Variants in SUGCT observed in about 807,000 individuals in gnomAD.
SUGCT encodes the protein succinyl-CoA:glutarate-CoA transferase, also known as succinyl-CoA:glutarate CoA-transferase.
SUGCT carries 41 observed loss-of-function variants against 55.0 expected under a neutral mutation model. That is an observed-to-expected ratio of 0.74 (90% CI 0.58 to 0.97). SUGCT has a LOEUF of 0.97. Among genes scored for constraint, SUGCT ranks in the 50% least tolerant of loss-of-function variants. The probability of loss-of-function intolerance (pLI) is 0.00; values close to 1 mark genes in which losing one functional copy is unlikely to be tolerated. For synonymous variants in SUGCT, 187 were observed against 200.4 expected (o/e 0.93, Z 0.56); for missense variants, 568 against 547.8 (o/e 1.04, Z -0.37).
At chr7:40,711,628 C>T (rs1169579262) in intron 12 of SUGCT, among the ~76,000 whole-genome samples, 1 of 152,202 alleles carries the variant, frequency 6.6e-6, no homozygotes, top group Non-Finnish European at 1.5e-5. Flanking sequence ...ATCCAGTCCT[C>T]CCCATAGACC....
intron 12 of SUGCT, among the ~76,000 whole-genome samples, chr7:40,525,428 T>C (rs1793745906): frequency 1.3e-5 from 2 of 152,144 alleles, no homozygotes; most frequent in Admixed American, 6.5e-5. Flanking sequence ...ATGGGTTTTG[T>C]GCAAGAAAAC....
At chr7:40,394,554 G>GTA (rs1459195393) in intron 9 of SUGCT, among the ~76,000 whole-genome samples, 1 of 152,208 alleles carries the variant, frequency 6.6e-6, no homozygotes, top group African/African-American at 2.4e-5. Flanking sequence ...GCCAAGTCAA[G>GTA]TTAATTAACC....
At chr7:40,922,152 T>C in the SUGCT span, among the ~76,000 whole-genome samples, 6 of 152,126 alleles carry the variant, frequency 3.9e-5, 1 homozygote, top group South Asian at 1.2e-3. Context: ...TTTAGAGGGG[T>C]GAGGAGTTCC....
At chr7:40,367,025 A>T (rs1415246916) in intron 9 of SUGCT, among the ~76,000 whole-genome samples, 9 of 152,186 alleles carry the variant, frequency 5.9e-5, no homozygotes, top group African/African-American at 1.7e-4. Flanking sequence ...CAAATGTCCA[A>T]CAATGATAGA....
downstream of SUGCT, among the ~76,000 whole-genome samples, chr7:40,865,047 C>T (rs185816521): frequency 3.3e-5 from 5 of 152,152 alleles, no homozygotes; most frequent in East Asian, 1.9e-4. Flanking sequence ...TGATTACTCC[C>T]GTTCTTACCT....
At chr7:40,487,148 G>C (rs1791415756) in intron 11 of SUGCT, among the ~76,000 whole-genome samples, 1 of 132,714 alleles carries the variant, frequency 7.5e-6, no homozygotes, top group Non-Finnish European at 1.5e-5. Context: ...GCAATGGCAC[G>C]ATCTCGGCTC....
At chr7:40,617,473 A>ATGTGTG (rs1437309315) in intron 12 of SUGCT, among the ~76,000 whole-genome samples, 109 of 133,478 alleles carry the variant, frequency 8.2e-4, no homozygotes, top group African/African-American at 3.2e-3. Context: ...GGTTAGATTT[A>ATGTGTG]TATGTGTGTG....
chr7:41,015,280 T>C, the SUGCT span, among the ~76,000 whole-genome samples: 1 of 151,526 alleles, frequency 6.6e-6, no homozygotes, highest in Non-Finnish European at 1.5e-5. Flanking sequence ...TTGACGGTGG[T>C]GATGATGATG....
the SUGCT span, among the ~76,000 whole-genome samples, chr7:40,899,744 AT>A: frequency 6.6e-6 from 1 of 152,060 alleles, no homozygotes; most frequent in Non-Finnish European, 1.5e-5. Flanking sequence ...TGTATATTTA[AT>A]TTAAAGAGGA....
intron 7 of SUGCT, among the ~76,000 whole-genome samples, chr7:40,245,674 G>C (rs1056524184): frequency 6.7e-6 from 1 of 149,894 alleles, no homozygotes; most frequent in South Asian, 2.1e-4. Flanking sequence ...TCCTGACCTC[G>C]TGATCCACCT....
chr7:40,866,422 A>G, the SUGCT span, among the ~76,000 whole-genome samples: 1,345 of 151,726 alleles, frequency 8.9e-3, 18 homozygotes, highest in African/African-American at 0.031. Context: ...GGAAAATTAT[A>G]GCTTCCATTT....
chr7:40,522,092 G>T (rs868331846), intron 12 of SUGCT, among the ~76,000 whole-genome samples: 86 of 152,206 alleles, frequency 5.7e-4, no homozygotes, highest in African/African-American at 1.9e-3. Flanking sequence ...AGGATGAAAA[G>T]ACTTCCCCTT....
chr7:40,575,688 G>C (rs1796703576), intron 12 of SUGCT, among the ~76,000 whole-genome samples: 2 of 152,124 alleles, frequency 1.3e-5, no homozygotes. Flanking sequence ...GCTCATGCCT[G>C]TAATCCCAGC....
chr7:40,487,694 T>G (rs1791458560), intron 11 of SUGCT, among the ~76,000 whole-genome samples: 1 of 152,168 alleles, frequency 6.6e-6, no homozygotes, highest in South Asian at 2.1e-4. Flanking sequence ...GTGTTCTGAT[T>G]TGGGTACATA....
intron 1 of SUGCT, among the ~76,000 whole-genome samples, chr7:40,162,557 G>A (rs973561876): frequency 6.6e-6 from 1 of 152,174 alleles, no homozygotes; most frequent in African/African-American, 2.4e-5. Flanking sequence ...GCTCATTGCA[G>A]CCTTGACCTG....
chr7:40,902,579 C>CAAA, the SUGCT span, among the ~76,000 whole-genome samples: 13,768 of 123,354 alleles, frequency 0.11, 1,616 homozygotes, highest in African/African-American at 0.28. Flanking sequence ...GACTCCATCT[C>CAAA]AAAAAAAAAA....
At chr7:40,245,423 A>ATATATATATTTTTTTTTTTTTTT (rs1344678220) in intron 7 of SUGCT, among the ~76,000 whole-genome samples, 1 of 54,600 alleles carries the variant, frequency 1.8e-5, no homozygotes, top group Non-Finnish European at 3.3e-5. Flanking sequence ...ATATATATAT[A>ATATATATATTTTTTTTTTTTTTT]TTTTTTTTTT....
At chr7:40,424,496 G>A (rs572743717) in intron 9 of SUGCT, among the ~76,000 whole-genome samples, 1 of 152,076 alleles carries the variant, frequency 6.6e-6, no homozygotes, top group South Asian at 2.1e-4. Flanking sequence ...CAGATTTTAG[G>A]TGATTTGGAG....
chr7:40,187,300 G>T (rs1048861090), intron 3 of SUGCT, among the ~76,000 whole-genome samples: 2 of 152,116 alleles, frequency 1.3e-5, no homozygotes, highest in Admixed American at 6.6e-5. Context: ...TGTGGGGAGT[G>T]GGGAGGGATA....
Sources: gnomAD v4.1 joint callset for allele counts (sites outside exome capture counted in the v4.1 genomes callset) on GRCh38, gnomAD v4.1.1 for gene constraint, MANE v1.5 for transcripts, NCBI Gene and HGNC (gene_info 2026-07-23, HGNC 2026-07-21) for gene names.